The following DIAPH3 variants were observed in gnomAD, a reference collection of about 807,000 sequenced individuals.
DIAPH3 encodes the protein diaphanous related formin 3.
Under a neutral mutation model 144.3 loss-of-function variants are expected in DIAPH3, and 117 were observed. That is an observed-to-expected ratio of 0.81 (90% CI 0.70 to 0.95). The LOEUF is 0.95. Ranked by LOEUF, DIAPH3 falls within the 40% of genes least tolerant of loss-of-function variation. The probability of loss-of-function intolerance (pLI) is 0.00; values close to 1 mark genes in which losing one functional copy is unlikely to be tolerated. For synonymous variants in DIAPH3, 519 were observed against 488.9 expected, an observed-to-expected ratio of 1.06 and a Z score of -0.81; for missense variants, 1,421 against 1,412.7, an observed-to-expected ratio of 1.01 and a Z score of -0.09.
intron 21 of DIAPH3, among the ~76,000 whole-genome samples, chr13:59,867,486 A>T: frequency 6.6e-6 from 1 of 152,248 alleles, no homozygotes; most frequent in Non-Finnish European, 1.5e-5. Context: ...AATTTATATT[A>T]ATTACTTAAT....
chr13:59,720,179 T>G (rs1421205606), intron 27 of DIAPH3, among the ~76,000 whole-genome samples: 1 of 152,142 alleles, frequency 6.6e-6, no homozygotes, highest in Non-Finnish European at 1.5e-5. Flanking sequence ...AGAAAAGGTA[T>G]AGTAAAAATA....
At chr13:59,682,002 T>C (rs915639197) in intron 27 of DIAPH3, among the ~76,000 whole-genome samples, 1 of 152,172 alleles carries the variant, frequency 6.6e-6, no homozygotes, top group African/African-American at 2.4e-5. Flanking sequence ...CTGACAAATA[T>C]CCTAAAAATA....
intron 27 of DIAPH3, among the ~76,000 whole-genome samples, chr13:59,719,466 G>A (rs1467505071): frequency 6.6e-6 from 1 of 152,100 alleles, no homozygotes; most frequent in Non-Finnish European, 1.5e-5. Flanking sequence ...AAGCAAAAAG[G>A]TGAATTAAAT....
intron 4 of DIAPH3, among the ~76,000 whole-genome samples, chr13:60,090,973 C>A (rs1325179032): frequency 6.6e-6 from 1 of 152,202 alleles, no homozygotes; most frequent in Admixed American, 6.5e-5. Flanking sequence ...TGAATGCAAA[C>A]TGAAATAGAT....
intron 12 of DIAPH3, among the ~76,000 whole-genome samples, chr13:59,987,000 A>G (rs1366061667): frequency 6.6e-6 from 1 of 152,002 alleles, no homozygotes; most frequent in Non-Finnish European, 1.5e-5. Context: ...ACTATAAATC[A>G]TGCTGCTATA....
At chr13:59,914,966 C>T (rs1164041664) in intron 19 of DIAPH3, among the ~76,000 whole-genome samples, 1 of 152,072 alleles carries the variant, frequency 6.6e-6, no homozygotes, top group East Asian at 1.9e-4. Context: ...GCTGAATGTA[C>T]TTTGGACATG....
At chr13:60,062,515 T>C (rs2056812714) in intron 4 of DIAPH3, among the ~76,000 whole-genome samples, 1 of 152,142 alleles carries the variant, frequency 6.6e-6, no homozygotes, top group African/African-American at 2.4e-5. Flanking sequence ...CTTTACATTC[T>C]GACATCTACC....
intron 3 of DIAPH3, among the ~76,000 whole-genome samples, chr13:60,101,636 C>A (rs547967423): frequency 1.1e-4 from 17 of 152,250 alleles, no homozygotes; most frequent in Admixed American, 3.3e-4. Flanking sequence ...GGCACCCCTG[C>A]CCTAGAGTGT....
At chr13:59,824,791 T>G (rs1335699942) in intron 24 of DIAPH3, among the ~76,000 whole-genome samples, 1 of 152,182 alleles carries the variant, frequency 6.6e-6, no homozygotes, top group Non-Finnish European at 1.5e-5. Context: ...ATTTTTTTGT[T>G]GCCCTCTAAA....
At chr13:59,857,142 C>T (rs1336586542) in intron 22 of DIAPH3, among the ~76,000 whole-genome samples, 4 of 152,064 alleles carry the variant, frequency 2.6e-5, no homozygotes, top group African/African-American at 7.2e-5. Context: ...CAAATTGTAA[C>T]TGGCATTTTT....
intron 22 of DIAPH3, among the ~76,000 whole-genome samples, chr13:59,846,486 C>T (rs536908631): frequency 6.6e-6 from 1 of 152,172 alleles, no homozygotes; most frequent in African/African-American, 2.4e-5. Context: ...AGGCTCCAAG[C>T]AATATATTTC....
intron 27 of DIAPH3, among the ~76,000 whole-genome samples, chr13:59,715,130 C>T (rs75398225): frequency 0.018 from 2,697 of 152,212 alleles, 43 homozygotes; most frequent in South Asian, 0.073. Flanking sequence ...TCCTCTCTTT[C>T]GTTCATCTAA....
chr13:59,874,159 C>T lies in DIAPH3; in HGVS notation c.2607+5070G>A, dbSNP rs190161871. 4.6e-5 allele frequency among the ~76,000 whole-genome samples: 7 copies of T among 152,196 alleles called. No individual in the cohort carries two copies. The East Asian group carries it at 1.4e-3, about 29-fold the overall frequency. ...CATTTCAAGTTGAGTATGAAAATCA[C>T]CTAGGAAGTAGCTTTAAAAATGCCA... On this transcript the variant is annotated intron_variant, in intron 21 of 27. Transcript: ENST00000400324.
In DIAPH3 at chr13:60,003,558, G is replaced by A. The variant is rs535804627; in HGVS notation, c.1014+4986C>T. 2.3e-3 allele frequency among the ~76,000 whole-genome samples: 345 copies of A among 149,908 alleles called. 3 individuals carry two copies. The highest frequency in any genetic ancestry group is 0.014 in the Middle Eastern group (4 of 286). On this transcript the variant is annotated intron_variant, in intron 9 of 27. Transcript: ENST00000400324. ...ATATCTATCTATCTATATATAGATA[G>A]ATAGATAGATATAGATATATATATA...
intron 27 of DIAPH3, among the ~76,000 whole-genome samples, chr13:59,716,901 C>A (rs2035087719): frequency 6.6e-6 from 1 of 151,932 alleles, no homozygotes; most frequent in South Asian, 2.1e-4. Flanking sequence ...ATTACGTCAG[C>A]ACTCTTTTGT....
At chr13:59,799,034 A>AT (rs1702382486) in intron 25 of DIAPH3, among the ~76,000 whole-genome samples, 2 of 152,228 alleles carry the variant, frequency 1.3e-5, no homozygotes, top group Admixed American at 1.3e-4. Context: ...AGAAAAAAAA[A>AT]GTTCACTAAG....
intron 20 of DIAPH3, among the ~76,000 whole-genome samples, chr13:59,903,081 T>A (rs1163944222): frequency 1.3e-5 from 2 of 152,072 alleles, no homozygotes; most frequent in Non-Finnish European, 2.9e-5. Flanking sequence ...CTGACACAAC[T>A]TATGTAATTG....
intron 27 of DIAPH3, among the ~76,000 whole-genome samples, chr13:59,745,991 T>A (rs2036682603): frequency 6.6e-6 from 1 of 152,190 alleles, no homozygotes; most frequent in African/African-American, 2.4e-5. Context: ...TTTTGCACTC[T>A]CAGGGTGTTC....
At chr13:60,048,333 C>G (rs1222281576) in intron 4 of DIAPH3, among the ~76,000 whole-genome samples, 1 of 152,144 alleles carries the variant, frequency 6.6e-6, no homozygotes, top group Non-Finnish European at 1.5e-5. Context: ...TCATAAAGGA[C>G]TAGTATTCAG....
Sources: gnomAD v4.1 joint callset for allele counts (sites outside exome capture counted in the v4.1 genomes callset) on GRCh38, gnomAD v4.1.1 for gene constraint, MANE v1.5 for transcripts, NCBI Gene and HGNC (gene_info 2026-07-23, HGNC 2026-07-21) for gene names.